The following SNAPC4 variants were observed in gnomAD, a reference collection of about 807,000 sequenced individuals.
The protein encoded by SNAPC4 is snRNA-activating protein complex subunit 4.
Under a neutral mutation model 151.3 loss-of-function variants are expected in SNAPC4, and 127 were observed. The observed-to-expected ratio is 0.84, with a 90% CI of 0.73 to 0.97. SNAPC4 has a LOEUF of 0.97. Ranked by LOEUF, SNAPC4 falls within the 50% of genes least tolerant of loss-of-function variation. The pLI is 0.00. For synonymous variants in SNAPC4, 1,002 were observed against 824.4 expected, an observed-to-expected ratio of 1.22 and a Z score of -3.69; for missense variants, 2,186 against 1,935.0, an observed-to-expected ratio of 1.13 and a Z score of -2.43.
At chr9:136,399,265 A>G (rs1834373303) in intron 1 of SNAPC4, among the ~76,000 whole-genome samples, 1 of 152,218 alleles carries the variant, frequency 6.6e-6, no homozygotes, top group African/African-American at 2.4e-5. Flanking sequence ...GCCCTGCCCA[A>G]CTGGAACAAA....
intron 1 of SNAPC4, among the ~76,000 whole-genome samples, chr9:136,399,739 C>T (rs1054667487): frequency 6.6e-6 from 1 of 152,210 alleles, no homozygotes; most frequent in Non-Finnish European, 1.5e-5. Context: ...GGCGTTTAGG[C>T]ACTGGCTTGG....
chr9:136,382,360 G>A (rs766750571), intron 16 of SNAPC4, 24 bp from the exon 17 acceptor site: 14 of 1,605,646 alleles, frequency 8.7e-6, no homozygotes, highest in African/African-American at 4.0e-5. Flanking sequence ...TGCCTGAGGC[G>A]AGGCACGCGG....
Position 136,392,531 on chromosome 9 carries a change from G to C in SNAPC4, c.801C>G (p.Ser267=). ...CCTGCCCCTGACTTACGTTAATATT[G>C]GAAATCTTCTCCCAGTCGTGGCTGT... ...RLDSHDWEKI[S]NINFEGSRSA... Residue 267 remains serine (S), a synonymous_variant, in exon 9 of 24, where the codon TCC becomes TCG. Transcript: ENST00000684778. 2 of 1,613,778 alleles carry C rather than the reference G, an allele frequency of 1.2e-6. No homozygotes were observed. The highest frequency in any genetic ancestry group is 1.7e-6 in the Non-Finnish European group (2 of 1,180,000).
chr9:136,398,893 G>A (rs1347674167), intron 1 of SNAPC4: 4 of 160,020 alleles, frequency 2.5e-5, no homozygotes, highest in Admixed American at 5.8e-5. Flanking sequence ...GACCACAGAG[G>A]GCATTTGAGA....
At chr9:136,391,865 C>A in intron 10 of SNAPC4, 77 bp downstream of exon 10, 1 of 1,484,454 alleles carries the variant, frequency 6.7e-7, no homozygotes, top group Non-Finnish European at 9.1e-7. Flanking sequence ...GACCCCGCAC[C>A]CGTCCAGCAG....
intron 13 of SNAPC4, among the ~76,000 whole-genome samples, chr9:136,385,493 C>G (rs1833858586): frequency 6.6e-6 from 1 of 152,150 alleles, no homozygotes; most frequent in South Asian, 2.1e-4. Context: ...AGAATGTTTT[C>G]AGGGTTCATC....
intron 14 of SNAPC4, 34 bp from the exon 15 acceptor site, chr9:136,384,066 T>A: frequency 6.3e-7 from 1 of 1,577,762 alleles, no homozygotes; most frequent in South Asian, 1.1e-5. Context: ...AATGCCTTCA[T>A]CCAAAGATTC....
Position 136,387,844 on chromosome 9 carries a change from G to C in SNAPC4, c.1128C>G (p.Val376=), listed in dbSNP as rs200545149. The change falls in exon 12 of 24, where the codon GTC becomes GTG. Residue 376 remains valine, a synonymous_variant. Transcript: ENST00000684778. The stretch of plus-strand genomic sequence containing the variant: ...TGGAGTCTCTCCCTTCCATATAGTA[G>C]ACAACTAGGGACAGAGGAACAGGGA... ...VGSHIPYRRI[V]YYMEGRDSMQ... 1.3e-6 allele frequency: 2 copies of C among 1,553,888 alleles called. No homozygotes were observed. The highest frequency in any genetic ancestry group is 1.8e-6 in the Non-Finnish European group (2 of 1,125,410).
At position 136,382,081 on chromosome 9, in the gene SNAPC4, G is replaced by T. The variant is rs1231790300; in HGVS notation, c.2068-8C>A. 6.3e-7 allele frequency: 1 copy of T among 1,575,376 alleles called. No individual in the cohort carries two copies. The highest frequency in any genetic ancestry group is 8.6e-7 in the Non-Finnish European group (1 of 1,160,028). ...CTGCCTCAGCTGCTCTTTCTGTAAG[G>T]AGAAGGCAGCACCTGGGGCCCATGG... is the stretch of plus-strand genomic sequence containing the variant. On this transcript the variant is annotated splice_region_variant and splice_polypyrimidine_tract_variant and intron_variant, in intron 17 of 23. Transcript: ENST00000684778.
chr9:136,385,068 CAT>C (rs540092049), intron 13 of SNAPC4, among the ~76,000 whole-genome samples: 4 of 152,200 alleles, frequency 2.6e-5, no homozygotes, highest in Non-Finnish European at 5.9e-5. Flanking sequence ...ATATCTGAAA[CAT>C]ATGAAGAACT....
At chr9:136,397,520 A>AGGGAGCATGGAGGAGAGCATGTGGGGAG (rs1286255299) in intron 2 of SNAPC4, among the ~76,000 whole-genome samples, 15 of 130,048 alleles carry the variant, frequency 1.2e-4, no homozygotes, top group African/African-American at 4.1e-4. Flanking sequence ...CAGAAGCTAA[A>AGGGAGCATGGAGGAGAGCATGTGGGGAG]GGGAGCATGG....
At position 136,383,028 on chromosome 9, in the gene SNAPC4, C is replaced by A. The variant is rs762062663; in HGVS notation, c.1983+158G>T. On this transcript the variant is annotated intron_variant, in intron 16 of 23. Coordinates refer to ENST00000684778, the MANE Select transcript of SNAPC4 (RefSeq NM_003086.4). This position sits in a 1 kb window ranked among gnomAD's most constrained non-coding sequence, Gnocchi z 4.2. ...GAAAAATGGAGGCTTCCCCAACAGT[C>A]CCCCCGACGCACAGCTGTCCAGAGC... Among the ~76,000 whole-genome samples, 1 of 152,240 alleles carries A rather than the reference C, an allele frequency of 6.6e-6. No homozygotes were observed. Among genetic ancestry groups the A allele is most frequent in the Non-Finnish European group, 1.5e-5 (1 of 68,044 alleles).
chr9:136,387,408 G>A (rs571319051), intron 13 of SNAPC4, 77 bp downstream of exon 13: 42 of 1,009,756 alleles, frequency 4.2e-5, no homozygotes, highest in Non-Finnish European at 5.5e-5. Flanking sequence ...CCCCCAGCCC[G>A]CCCACAGCCC....
At position 136,395,759 on chromosome 9, in the gene SNAPC4, C is replaced by A; in HGVS notation, c.189G>T (p.Arg63Ser). Reference sequence around the variant, plus strand: ...CCTCGTCATTGCTGGCTTCGCCCCACCTTTCTTCTTCCTGGTAACGAGCCA... The same window carrying A: ...CCTCGTCATTGCTGGCTTCGCCCCAACTTTCTTCTTCCTGGTAACGAGCCA... ...PADPPISEEE[R>S]WGEASNDEDD... The change falls in exon 4 of 24, where the codon AGG becomes AGT. Residue 63 changes from arginine (R) to serine (S), a missense_variant. Physicochemically the swap from Arg to Ser is moderately radical, Grantham distance 110. Transcript: ENST00000684778. 6.2e-7 allele frequency: 1 copy of A among 1,610,990 alleles called. No homozygotes were observed. The highest frequency in any genetic ancestry group is 8.5e-7 in the Non-Finnish European group (1 of 1,178,086).
intron 18 of SNAPC4, 56 bp downstream of exon 18, chr9:136,381,768 C>T (rs1833700840): frequency 1.3e-6 from 2 of 1,563,782 alleles, no homozygotes; most frequent in Non-Finnish European, 1.7e-6. Flanking sequence ...GCTGGATGTA[C>T]TCTTCATCCT....
chr9:136,395,533 G>C, intron 4 of SNAPC4, 70 bp downstream of exon 4: 2 of 1,563,282 alleles, frequency 1.3e-6, no homozygotes, highest in Admixed American at 3.6e-5. Flanking sequence ...CCCTGGACCT[G>C]GGAGGCCCAG....
At chr9:136,391,803 C>A in intron 10 of SNAPC4, 139 bp downstream of exon 10, 1 of 919,122 alleles carries the variant, frequency 1.1e-6, no homozygotes, top group Non-Finnish European at 1.6e-6. Flanking sequence ...TCCCTAGGGC[C>A]ACAGCCTGGA....
rs145911309 is a variant in SNAPC4, at chr9:136,383,397, A to G, written c.1772T>C (p.Leu591Pro). 5.1e-6 allele frequency: 8 copies of G among 1,580,240 alleles called. 1 individual carries two copies. Among genetic ancestry groups the G allele is most frequent in the Admixed American group, 1.8e-5 (1 of 55,304 alleles). ...GCTGAGGGAGGCAGCGGGGCCTCCC[A>G]GCCAGGCCCCTGCCCCTCCTCTCCA... ...QPWRGGAGAW[L>P]GGPAASLSPP... The change falls in exon 16 of 24, where the codon CTG becomes CCG. Residue 591 changes from leucine (L) to proline (P), a missense_variant. By Grantham distance (98) the Leu-to-Pro change is moderately conservative (BLOSUM62 -3). Coordinates refer to ENST00000684778, the MANE Select transcript of SNAPC4 (RefSeq NM_003086.4). This position sits in a 1 kb window ranked among gnomAD's most constrained non-coding sequence, Gnocchi z 4.2.
chr9:136,382,337 C>T lies in SNAPC4; in HGVS notation c.1984-1G>A, dbSNP rs773677608. 2 of 1,613,000 alleles carry T rather than the reference C, an allele frequency of 1.2e-6. No individual in the cohort carries two copies. The highest frequency in any genetic ancestry group is 2.2e-5 in the South Asian group (2 of 91,074). On this transcript the variant is annotated splice_acceptor_variant, in intron 16 of 23. Transcript: ENST00000684778. LOFTEE classifies it high-confidence loss of function. The stretch of plus-strand genomic sequence containing the variant: ...GCACTGTCAGCAGACGCCTCCCACC[C>T]TGATGAGAAAGCTGCCTGAGGCGAG...
Sources: allele counts gnomAD v4.1 joint callset (sites outside exome capture counted in the v4.1 genomes callset), GRCh38; gene constraint gnomAD v4.1.1; non-coding constraint Gnocchi (gnomAD v3.1); transcripts MANE v1.5; gene names NCBI Gene and HGNC (gene_info 2026-07-23, HGNC 2026-07-21).